The following UBE3D variants were observed in gnomAD, a reference collection of about 807,000 sequenced individuals.
UBE3D encodes ubiquitin protein ligase E3D.
A neutral mutation model predicts 49.6 loss-of-function variants in UBE3D; 48 were observed. The observed-to-expected ratio is 0.97, with a 90% CI of 0.77 to 1.23. The LOEUF is 1.23. Ranked by LOEUF, UBE3D falls within the 50% of genes most tolerant of loss-of-function variation. The pLI is 0.00. For synonymous variants in UBE3D, 189 were observed against 174.2 expected (o/e 1.08, Z -0.67); for missense variants, 452 against 468.4 (o/e 0.96, Z 0.32).
At chr6:82,899,058 A>T (rs1771540773) in intron 9 of UBE3D, among the ~76,000 whole-genome samples, 1 of 152,016 alleles carries the variant, frequency 6.6e-6, no homozygotes, top group Non-Finnish European at 1.5e-5. Context: ...GCTTGGAGAA[A>T]CAAGACTATT....
chr6:82,995,884 T>C (rs977149396), intron 8 of UBE3D, among the ~76,000 whole-genome samples: 1 of 151,982 alleles, frequency 6.6e-6, no homozygotes, highest in Non-Finnish European at 1.5e-5. Flanking sequence ...CTGGCCAACA[T>C]GAGGAAACAC....
At chr6:82,960,926 GCTA>G (rs1009508881) in intron 8 of UBE3D, among the ~76,000 whole-genome samples, 96 of 152,274 alleles carry the variant, frequency 6.3e-4, no homozygotes, top group African/African-American at 2.2e-3. Flanking sequence ...GTTCACTGAA[GCTA>G]CTTTCATTCT....
chr6:82,882,214 G>A, the UBE3D span, among the ~76,000 whole-genome samples: 1 of 152,156 alleles, frequency 6.6e-6, no homozygotes, highest in Non-Finnish European at 1.5e-5. Context: ...GCTTAGAAGG[G>A]GAAATCCAGA....
At chr6:83,054,352 C>T in intron 2 of UBE3D, 114 bp from the exon 3 acceptor site, 1 of 735,016 alleles carries the variant, frequency 1.4e-6, no homozygotes, top group Non-Finnish European at 2.3e-6. Context: ...TATGATCCAC[C>T]CAGAAGTACA....
At chr6:83,005,937 A>G (rs1351789010) in intron 8 of UBE3D, among the ~76,000 whole-genome samples, 1 of 152,116 alleles carries the variant, frequency 6.6e-6, no homozygotes, top group Non-Finnish European at 1.5e-5. Flanking sequence ...AAAAGTAGTC[A>G]ATGTTGGCCA....
At chr6:82,972,349 A>G (rs1333458643) in intron 8 of UBE3D, among the ~76,000 whole-genome samples, 3 of 152,152 alleles carry the variant, frequency 2.0e-5, no homozygotes. Context: ...GAATTTCATA[A>G]CCCTAAGTCA....
downstream of UBE3D, among the ~76,000 whole-genome samples, chr6:82,889,301 A>T (rs147875662): frequency 6.5e-3 from 992 of 152,330 alleles, 11 homozygotes; most frequent in African/African-American, 0.022. Context: ...CAAAAGGAAA[A>T]CTATTTAACA....
chr6:82,881,112 C>G, the UBE3D span, among the ~76,000 whole-genome samples: 6 of 152,218 alleles, frequency 3.9e-5, no homozygotes, highest in African/African-American at 1.4e-4. Flanking sequence ...AACTTTCAGT[C>G]AGTTGCAGGA....
intron 9 of UBE3D, among the ~76,000 whole-genome samples, chr6:82,910,409 T>C (rs1772414553): frequency 6.6e-6 from 1 of 152,106 alleles, no homozygotes; most frequent in South Asian, 2.1e-4. Flanking sequence ...TCAGAGAAAA[T>C]AACCTTTTAT....
At chr6:82,910,001 C>G (rs1363374340) in intron 9 of UBE3D, among the ~76,000 whole-genome samples, 1 of 152,154 alleles carries the variant, frequency 6.6e-6, no homozygotes, top group Non-Finnish European at 1.5e-5. Context: ...AATGCTCCAG[C>G]TTTATGTTCA....
At chr6:82,954,727 G>A (rs1158595516) in intron 9 of UBE3D, among the ~76,000 whole-genome samples, 3 of 151,998 alleles carry the variant, frequency 2.0e-5, no homozygotes, top group East Asian at 1.9e-4. Flanking sequence ...GCCATTCCTC[G>A]CCATTATAAT....
At position 82,907,524 on chromosome 6, in the gene UBE3D, AC is replaced by A. The variant is rs539871958; in HGVS notation, c.1150-14483del. Among the ~76,000 whole-genome samples the A allele has an allele frequency of 2.0e-5, 3 of 152,282 alleles. No homozygotes were observed. The South Asian group carries it at 6.2e-4, about 32-fold the overall frequency. ...TAGTGGTGGGGGATGTAGGAGGGGA[AC>A]AGGACTCCTACAATCAATGATAAAA... On this transcript the variant is annotated intron_variant, in intron 9 of 9. Coordinates refer to ENST00000369747, the MANE Select transcript of UBE3D (RefSeq NM_198920.3).
intron 4 of UBE3D, among the ~76,000 whole-genome samples, chr6:83,043,551 C>T (rs1782819010): frequency 6.6e-6 from 1 of 152,100 alleles, no homozygotes; most frequent in African/African-American, 2.4e-5. Context: ...CCTTCATCTC[C>T]CTCAGAATAG....
chr6:82,896,614 A>C (rs1472144978), intron 9 of UBE3D, among the ~76,000 whole-genome samples: 1 of 152,190 alleles, frequency 6.6e-6, no homozygotes, highest in Admixed American at 6.5e-5. Flanking sequence ...GACCAAATGT[A>C]AGTTTGGGAT....
chr6:82,986,716 A>G (rs1232428587), intron 8 of UBE3D, among the ~76,000 whole-genome samples: 3 of 148,090 alleles, frequency 2.0e-5, no homozygotes, highest in African/African-American at 7.4e-5. Flanking sequence ...ATATATTTAT[A>G]TTTTATATAT....
chr6:82,892,014 CAA>C (rs34108279), downstream of UBE3D, among the ~76,000 whole-genome samples: 6 of 147,558 alleles, frequency 4.1e-5, no homozygotes, highest in Admixed American at 6.7e-5. Context: ...AATTCCATCT[CAA>C]AAAAAAAAAA....
At chr6:83,031,189 G>A (rs1480038476) in intron 5 of UBE3D, among the ~76,000 whole-genome samples, 1 of 152,056 alleles carries the variant, frequency 6.6e-6, no homozygotes, top group Non-Finnish European at 1.5e-5. Flanking sequence ...TGTATTTTTT[G>A]GTAGAGACAA....
intron 8 of UBE3D, among the ~76,000 whole-genome samples, chr6:82,971,699 C>T (rs1777363385): frequency 6.6e-6 from 1 of 152,146 alleles, no homozygotes; most frequent in Admixed American, 6.5e-5. Context: ...GCTGGGATTA[C>T]AGGCATGAGC....
In UBE3D at chr6:82,938,835, T is replaced by C. The variant is rs574498505; in HGVS notation, c.1149+18477A>G. Among the ~76,000 whole-genome samples the C allele has an allele frequency of 2.0e-5, 3 of 152,198 alleles. No individual in the cohort carries two copies. In the South Asian group the frequency reaches 6.2e-4, roughly 32 times the overall value. On this transcript the variant is annotated intron_variant, in intron 9 of 9. Transcript: ENST00000369747. ...CTGGCTAGGACTCCGATTTCTTAGA[T>C]CACTAAGAAATCTAAATTTTAAACA...
Sources: gnomAD v4.1 joint callset for allele counts (sites outside exome capture counted in the v4.1 genomes callset) on GRCh38, gnomAD v4.1.1 for gene constraint, MANE v1.5 for transcripts, NCBI Gene and HGNC (gene_info 2026-07-23, HGNC 2026-07-21) for gene names.